The following PRELID1 variants were observed in gnomAD, a reference collection of about 807,000 sequenced individuals.
The protein encoded by PRELID1 is PRELI domain-containing protein 1, mitochondrial.
A neutral mutation model predicts 29.0 loss-of-function variants in PRELID1; 15 were observed. The ratio of observed to expected loss-of-function variants is 0.52; its 90% CI spans 0.35 to 0.80. The LOEUF (loss-of-function observed/expected upper bound fraction) is 0.80. Among genes scored for constraint, PRELID1 ranks in the 30% least tolerant of loss-of-function variants. PRELID1 has a pLI of 0.01. For synonymous variants in PRELID1, 79 were observed against 106.5 expected (o/e 0.74, Z 1.59); for missense variants, 187 against 275.9 (o/e 0.68, Z 2.28).
In PRELID1 at chr5:177,306,664, CCTGTCTG is replaced by C. The variant is rs1278684525; in HGVS notation, c.*101_*107del. On this transcript the variant is annotated 3_prime_UTR_variant, in exon 5 of 5. Coordinates refer to ENST00000303204, the MANE Select transcript of PRELID1 (RefSeq NM_013237.4). ...TTATCATTAAAAATCAACTTCCAGC[CCTGTCTG>C]CTGTCTACGTGGTGGGTTGTGGGGA... The C allele has an allele frequency of 3.3e-6, 5 of 1,497,820 alleles. No individual in the cohort carries two copies. Among genetic ancestry groups the C allele is most frequent in the Middle Eastern group, 3.4e-4 (2 of 5,810 alleles). The allele number at this position is 1,497,820 out of a possible 1,614,324, so 92.8% of individuals were successfully genotyped here. A position where few individuals can be genotyped will look rare whatever the true frequency, so the allele number is the denominator to read the frequency against.
chr5:177,304,914 C>T (rs1438167227), intron 2 of PRELID1, 64 bp downstream of exon 2: 1 of 1,432,586 alleles, frequency 7.0e-7, no homozygotes, highest in Admixed American at 2.0e-5. Flanking sequence ...ATAGAGAGCT[C>T]CTCAGATACA....
intron 2 of PRELID1, chr5:177,305,605 A>G: frequency 4.2e-6 from 2 of 476,040 alleles, no homozygotes; most frequent in South Asian, 2.3e-5. Flanking sequence ...AAAATCCAGG[A>G]GCAGGATGGG....
Position 177,304,589 on chromosome 5 carries a change from A to G in PRELID1, c.93-36A>G, listed in dbSNP as rs776260672. 13 of 1,565,792 alleles carry G rather than the reference A, an allele frequency of 8.3e-6. No homozygotes were observed. In the South Asian group the frequency reaches 1.1e-4, roughly 13 times the overall value. ...CCCCTCGGGCAGTCTCTTAGGGGCA[A>G]GCTTCTGAGGGTCACCTTCACCCTG... On this transcript the variant is annotated intron_variant, in intron 1 of 4. Transcript: ENST00000303204.
At chr5:177,305,302 G>A (rs914226146) in intron 2 of PRELID1, among the ~76,000 whole-genome samples, 2 of 151,976 alleles carry the variant, frequency 1.3e-5, no homozygotes, top group African/African-American at 4.8e-5. Flanking sequence ...CACCTCCTGG[G>A]TTTAAGCAAT....
rs1357709778 is a variant in PRELID1, at chr5:177,306,690, G to A, written c.*120G>A. The A allele has an allele frequency of 6.4e-6, 9 of 1,411,326 alleles. No individual in the cohort carries two copies. Among genetic ancestry groups the A allele is most frequent in the Non-Finnish European group, 8.6e-6 (9 of 1,049,242 alleles). 87.4% of individuals were successfully genotyped at this position (1,411,326 alleles called of 1,614,324 possible). A position where few individuals can be genotyped will look rare whatever the true frequency, so the allele number is the denominator to read the frequency against. ...CTGTCTGCTGTCTACGTGGTGGGTT[G>A]TGGGGATGCAGTTTGGCATCTGCAG... On this transcript the variant is annotated 3_prime_UTR_variant, in exon 5 of 5. Coordinates refer to ENST00000303204, the MANE Select transcript of PRELID1 (RefSeq NM_013237.4).
At chr5:177,305,487 G>T in intron 2 of PRELID1, 1 of 254,608 alleles carries the variant, frequency 3.9e-6, no homozygotes, top group Non-Finnish European at 7.8e-6. Context: ...GATTACAGGC[G>T]TGAGCCACCG....
At chr5:177,304,910 A>C (rs1760817707) in intron 2 of PRELID1, 60 bp downstream of exon 2, 1 of 1,445,258 alleles carries the variant, frequency 6.9e-7, no homozygotes. Flanking sequence ...CGAGATAGAG[A>C]GCTCCTCAGA....
At position 177,306,435 on chromosome 5, in the gene PRELID1, C is replaced by A; in HGVS notation, c.525C>A (p.Ser175=). Residue 175 remains serine (S), a synonymous_variant, in exon 5 of 5, where the codon TCC becomes TCA. Transcript: ENST00000303204. The part of the protein sequence containing the change: ...ILAKLQGEAP[S]KTLVETAKEA... The stretch of plus-strand genomic sequence containing the variant: ...CGTTCGCGACAGGCGAGGCCCCTTC[C>A]AAAACACTTGTTGAGACAGCCAAGG... 6.2e-7 allele frequency: 1 copy of A among 1,614,086 alleles called. No homozygotes were observed. Among genetic ancestry groups the A allele is most frequent in the African/African-American group, 1.3e-5 (1 of 75,004 alleles).
Position 177,306,693 on chromosome 5 carries a change from G to A in PRELID1, c.*123G>A. 1 of 1,403,002 alleles carries A rather than the reference G, an allele frequency of 7.1e-7. No individual in the cohort carries two copies. The highest frequency in any genetic ancestry group is 9.6e-7 in the Non-Finnish European group (1 of 1,043,340). 86.9% of individuals were successfully genotyped at this position (1,403,002 alleles called of 1,614,324 possible). On this transcript the variant is annotated 3_prime_UTR_variant, in exon 5 of 5. Coordinates refer to ENST00000303204, the MANE Select transcript of PRELID1 (RefSeq NM_013237.4). ...TCTGCTGTCTACGTGGTGGGTTGTG[G>A]GGATGCAGTTTGGCATCTGCAGTAC...
chr5:177,306,433 T>G lies in PRELID1; in HGVS notation c.523T>G (p.Ser175Ala). 2.5e-6 allele frequency: 4 copies of G among 1,613,914 alleles called. No homozygotes were observed. The highest frequency in any genetic ancestry group is 3.4e-6 in the Non-Finnish European group (4 of 1,179,952). The change falls in exon 5 of 5, where the codon TCC becomes GCC. Residue 175 changes from serine to alanine, a missense_variant. Physicochemically the swap from Ser to Ala is moderately conservative, Grantham distance 99. Transcript: ENST00000303204. The part of the protein sequence containing the change: ...ILAKLQGEAP[S>A]KTLVETAKEA... The stretch of plus-strand genomic sequence containing the variant: ...GCCGTTCGCGACAGGCGAGGCCCCT[T>G]CCAAAACACTTGTTGAGACAGCCAA...
In PRELID1 at chr5:177,303,902, C is replaced by T; in HGVS notation, c.-84C>T. 8.2e-7 allele frequency: 1 copy of T among 1,223,736 alleles called. No homozygotes were observed. Among genetic ancestry groups the T allele is most frequent in the South Asian group, 1.3e-5 (1 of 75,512 alleles). 75.8% of individuals were successfully genotyped at this position (1,223,736 alleles called of 1,614,324 possible). On this transcript the variant is annotated 5_prime_UTR_variant, in exon 1 of 5. Coordinates refer to ENST00000303204, the MANE Select transcript of PRELID1 (RefSeq NM_013237.4). The surrounding 1 kb of genome is among the most constrained non-coding windows in gnomAD (Gnocchi z 6.1). ...GCCTGGCGGCGGGTGTGCGCCGAGC[C>T]CCGGCCCGGCCCGGCCCTCGCGTGC...
intron 2 of PRELID1, chr5:177,305,577 C>T (rs544796012): frequency 2.5e-5 from 10 of 402,334 alleles, no homozygotes; most frequent in Middle Eastern, 7.5e-4. Flanking sequence ...ACACTGCATG[C>T]GTCTAGATGC....
rs1760887155 is a variant in PRELID1 at position 177,306,686 on chromosome 5, G to A, written c.*116G>A. On this transcript the variant is annotated 3_prime_UTR_variant, in exon 5 of 5. Coordinates refer to ENST00000303204, the MANE Select transcript of PRELID1 (RefSeq NM_013237.4). ...AGCCCTGTCTGCTGTCTACGTGGTG[G>A]GTTGTGGGGATGCAGTTTGGCATCT... The A allele has an allele frequency of 2.1e-6, 3 of 1,429,766 alleles. No homozygotes were observed. The highest frequency in any genetic ancestry group is 2.8e-6 in the Non-Finnish European group (3 of 1,064,084). The allele number at this position is 1,429,766 out of a possible 1,614,324, so 88.6% of individuals were successfully genotyped here.
Position 177,305,895 on chromosome 5 carries a change from T to C in PRELID1, c.343T>C (p.Cys115Arg). Residue 115 changes from cysteine (C) to arginine (R), a missense_variant, in exon 3 of 5, where the codon TGT becomes CGT. Transcript: ENST00000303204. ...GGTGGTGGAGGAACGATGTGTTTAC[T>C]GTGTGAACTCTGACAACAGTGGCTG... is the stretch of plus-strand genomic sequence containing the variant. ...LMVVEERCVY[C>R]VNSDNSGWTE... The C allele has an allele frequency of 1.9e-6, 3 of 1,614,136 alleles. No individual in the cohort carries two copies. Among genetic ancestry groups the C allele is most frequent in the Non-Finnish European group, 2.5e-6 (3 of 1,180,034 alleles).
chr5:177,305,214 G>GT (rs1202492600), intron 2 of PRELID1, among the ~76,000 whole-genome samples: 1 of 149,176 alleles, frequency 6.7e-6, no homozygotes, highest in African/African-American at 2.5e-5. Flanking sequence ...TTTTTTTTCT[G>GT]TTTTTTGTTT....
chr5:177,303,817 T>TGGCGGCGGCGGCGGCGGC lies in PRELID1; in HGVS notation c.-165_-148dup, dbSNP rs577990702. 2 of 462,292 alleles carry TGGCGGCGGCGGCGGCGGC rather than the reference T, an allele frequency of 4.3e-6. No individual in the cohort carries two copies. The highest frequency in any genetic ancestry group is 4.2e-5 in the African/African-American group (2 of 48,116). The allele number at this position is 462,292 out of a possible 1,614,324, so 28.6% of individuals were successfully genotyped here. ...AAGTGGCGCGCGGCCGGACAACTCA[T>TGGCGGCGGCGGCGGCGGC]GGCGGCGGCGGCGGCGGCGGCAGCT... is the stretch of plus-strand genomic sequence containing the variant. On this transcript the variant is annotated 5_prime_UTR_variant, in exon 1 of 5. Coordinates refer to ENST00000303204, the MANE Select transcript of PRELID1 (RefSeq NM_013237.4). The surrounding 1 kb of genome is among the most constrained non-coding windows in gnomAD (Gnocchi z 6.1).
chr5:177,304,231 G>A, intron 1 of PRELID1, 154 bp downstream of exon 1: 1 of 732,716 alleles, frequency 1.4e-6, no homozygotes. Flanking sequence ...GCAAGGTCCT[G>A]AAGGGAGGTT....
intron 1 of PRELID1, 141 bp from the exon 2 acceptor site, chr5:177,304,484 G>C: frequency 1.3e-6 from 1 of 782,018 alleles, no homozygotes; most frequent in South Asian, 1.5e-5. Context: ...CTTAACTCTG[G>C]TTTGAACCAT....
At position 177,306,920 on chromosome 5, in the gene PRELID1, T is replaced by C. The variant is rs573953633; in HGVS notation, c.*350T>C. The C allele has an allele frequency of 1.5e-5, 12 of 807,972 alleles. No homozygotes were observed. The highest frequency in any genetic ancestry group is 2.1e-5 in the Non-Finnish European group (11 of 526,086). 50.1% of individuals were successfully genotyped at this position (807,972 alleles called of 1,614,324 possible). ...ATGTGTCTCAGTATCTAGCACATAA[T>C]AGACACTCAATAAATACTTGTTGAA... On this transcript the variant is annotated 3_prime_UTR_variant, in exon 5 of 5. Coordinates refer to ENST00000303204, the MANE Select transcript of PRELID1 (RefSeq NM_013237.4).
Sources: gnomAD v4.1 joint callset for allele counts (sites outside exome capture counted in the v4.1 genomes callset) on GRCh38, gnomAD v4.1.1 for gene constraint, Gnocchi (gnomAD v3.1) non-coding constraint, MANE v1.5 for transcripts, NCBI Gene and HGNC (gene_info 2026-07-23, HGNC 2026-07-21) for gene names.